The following SPACA6 variants were observed in gnomAD, a reference collection of about 807,000 sequenced individuals.
The protein encoded by SPACA6 is sperm acrosome membrane-associated protein 6.
For synonymous variants in SPACA6, 6 were observed against 1.5 expected (o/e 4.05, Z -2.21); for missense variants, 8 against 2.8 (o/e 2.88, Z -1.34).
At chr19:51,705,434 G>A (rs1379227237), downstream of SPACA6, 2 of 258,898 alleles carry the variant, frequency 7.7e-6, no homozygotes, top group Non-Finnish European at 1.5e-5. Flanking sequence ...TCCTCCCCAA[G>A]GCTTTCCTCC....
downstream of SPACA6, among the ~76,000 whole-genome samples, chr19:51,707,614 G>A (rs1254773255): frequency 1.3e-5 from 2 of 152,016 alleles, no homozygotes; most frequent in Non-Finnish European, 1.5e-5. Context: ...CAACTCTCCC[G>A]GACACCAGTT....
At chr19:51,702,390 C>T (rs2083475502) in intron 3 of SPACA6, 1 of 370,848 alleles carries the variant, frequency 2.7e-6, no homozygotes, top group South Asian at 1.5e-4. Flanking sequence ...GTGTTTCCCT[C>T]TAAACCCCAA....
upstream of SPACA6, among the ~76,000 whole-genome samples, chr19:51,691,092 C>T (rs1297281938): frequency 5.0e-5 from 2 of 40,294 alleles, no homozygotes; most frequent in African/African-American, 2.9e-4. Context: ...TCTCCTCCCC[C>T]TCCTCAGGTC....
At chr19:51,704,218 G>T in intron 7 of SPACA6, 32 bp downstream of exon 7, 1 of 400,986 alleles carries the variant, frequency 2.5e-6, no homozygotes, top group Non-Finnish European at 4.4e-6. Flanking sequence ...TGAGTGAGCG[G>T]GGTCGGGAGA....
downstream of SPACA6, among the ~76,000 whole-genome samples, chr19:51,709,472 G>A (rs1339914220): frequency 7.0e-6 from 1 of 142,836 alleles, no homozygotes; most frequent in Non-Finnish European, 1.5e-5. Flanking sequence ...AGCTGAGATT[G>A]CGCCATTGCA....
At chr19:51,694,955 A>C (rs963896433) in intron 2 of SPACA6, among the ~76,000 whole-genome samples, 1 of 151,944 alleles carries the variant, frequency 6.6e-6, no homozygotes, top group African/African-American at 2.4e-5. Context: ...ATGGCCATGG[A>C]GCTCAGTGCA....
rs1447619730 is a variant in SPACA6, at chr19:51,704,112, C to G, written c.656C>G (p.Thr219Arg). Residue 219 changes from threonine to arginine, a missense_variant, in exon 7 of 9, where the codon ACG becomes AGG. Coordinates refer to ENST00000637797, the MANE Select transcript of SPACA6 (RefSeq NM_001316972.2). ...GCGCGGATCCGGCCGGCTCAGCTCA[C>G]GCACCGCGGGACGTTCTCCTGCGTG... ...YLARIRPAQL[T>R]HRGTFSCVIK... is the part of the protein sequence containing the mutation. 1 of 401,078 alleles carries G rather than the reference C, an allele frequency of 2.5e-6. No individual in the cohort carries two copies. Among genetic ancestry groups the G allele is most frequent in the Non-Finnish European group, 4.4e-6 (1 of 226,224 alleles). The allele number at this position is 401,078 out of a possible 1,614,324, so 24.8% of individuals were successfully genotyped here.
At chr19:51,696,959 C>G (rs1330669313) in intron 2 of SPACA6, among the ~76,000 whole-genome samples, 1 of 152,160 alleles carries the variant, frequency 6.6e-6, no homozygotes, top group East Asian at 1.9e-4. Flanking sequence ...GGGGCCACCT[C>G]CTGTAGATCC....
chr19:51,692,713 G>A (rs764363120), upstream of SPACA6: 3 of 533,620 alleles, frequency 5.6e-6, no homozygotes, highest in South Asian at 4.2e-5. This position sits in a 1 kb window ranked among gnomAD's most constrained non-coding sequence, Gnocchi z 5.6. Flanking sequence ...GGGCCTCCCC[G>A]GCCCTCCCCC....
At chr19:51,687,136 C>G (rs1009480514), upstream of SPACA6, 6 of 152,100 alleles carry the variant, frequency 3.9e-5, no homozygotes, top group African/African-American at 1.4e-4. Context: ...GTGGCGCAGG[C>G]CTGTAGTTCC....
downstream of SPACA6, among the ~76,000 whole-genome samples, chr19:51,708,064 C>A (rs2122234454): frequency 6.6e-6 from 1 of 152,308 alleles, no homozygotes; most frequent in Admixed American, 6.5e-5. Context: ...AGTCTCCACC[C>A]CTTTTTCCCT....
chr19:51,692,902 CA>C (rs2083388048), upstream of SPACA6: 1 of 531,454 alleles, frequency 1.9e-6, no homozygotes, highest in African/African-American at 1.9e-5. The surrounding 1 kb of genome is among the most constrained non-coding windows in gnomAD (Gnocchi z 5.6). Flanking sequence ...CGGGGACCCC[CA>C]GCCCCACTCA....
chr19:51,693,633 A>G lies in SPACA6; in HGVS notation c.107A>G (p.Glu36Gly). ...ACLLCFTTYS[E>G]RLRICQMFVG... ...CTCCTCTGCTTCACAACCTACTCTGAGCGCCTCCGCATCTGCCAGATGTTT... is the reference window on the plus strand; with the variant it reads ...CTCCTCTGCTTCACAACCTACTCTGGGCGCCTCCGCATCTGCCAGATGTTT... Residue 36 changes from glutamate (E) to glycine (G), a missense_variant, in exon 1 of 9, where the codon GAG (glutamate) becomes GGG (glycine). By Grantham distance (98) the Glu-to-Gly change is moderately conservative. Transcript: ENST00000637797. The G allele has an allele frequency of 2.4e-6, 1 of 417,766 alleles. No individual in the cohort carries two copies. The highest frequency in any genetic ancestry group is 3.4e-5 in the East Asian group (1 of 29,240). The allele number at this position is 417,766 out of a possible 1,614,324, so 25.9% of individuals were successfully genotyped here.
At position 51,700,938 on chromosome 19, in the gene SPACA6, G is replaced by GA. The variant is rs573923787; in HGVS notation, c.293-719dup. Among the ~76,000 whole-genome samples, 31 of 152,176 alleles carry GA rather than the reference G, an allele frequency of 2.0e-4. No homozygotes were observed. The East Asian group carries it at 5.6e-3, about 28-fold the overall frequency. On this transcript the variant is annotated intron_variant, in intron 2 of 8. Transcript: ENST00000637797. ...TGGTGGTTTTCATATTAAAGGAAAT[G>GA]AGGCCAGGCACGGTGGCTCATGCCT...
At chr19:51,684,435 A>G (rs534455571), upstream of SPACA6, among the ~76,000 whole-genome samples, 1 of 152,266 alleles carries the variant, frequency 6.6e-6, no homozygotes, top group East Asian at 1.9e-4. Flanking sequence ...CCATTTTCCC[A>G]TGCCCTTTGT....
upstream of SPACA6, among the ~76,000 whole-genome samples, chr19:51,689,831 G>A (rs1193552558): frequency 6.6e-6 from 1 of 151,994 alleles, no homozygotes; most frequent in African/African-American, 2.4e-5. Context: ...GATGGGGGCT[G>A]GGGCTGGTAG....
intron 3 of SPACA6, among the ~76,000 whole-genome samples, chr19:51,702,025 C>G (rs1055270600): frequency 1.6e-4 from 25 of 152,204 alleles, no homozygotes; most frequent in Non-Finnish European, 3.2e-4. Flanking sequence ...GACCCGAGAT[C>G]GGCACTCCAG....
rs910054931 is a variant in SPACA6 at position 51,704,362 on chromosome 19, C to A, written c.823C>A (p.Pro275Thr). Residue 275 changes from proline (P) to threonine (T), a missense_variant, in exon 8 of 9, where the codon CCC (proline) becomes ACC (threonine). Coordinates refer to ENST00000637797, the MANE Select transcript of SPACA6 (RefSeq NM_001316972.2). ...GCCGCGGGATGCCGAGCTGATCGAGCCCTGGAGGCCCAGCCTGGGCGAGCT... is the reference window on the plus strand; with the variant it reads ...GCCGCGGGATGCCGAGCTGATCGAGACCTGGAGGCCCAGCCTGGGCGAGCT... Reference protein sequence around the residue: ...WAPRDAELIEPWRPSLGELLA... With the variant: ...WAPRDAELIETWRPSLGELLA... 5.0e-6 allele frequency: 2 copies of A among 401,074 alleles called. No homozygotes were observed. 24.8% of individuals were successfully genotyped at this position (401,074 alleles called of 1,614,324 possible).
chr19:51,699,231 A>T (rs2083451278), intron 2 of SPACA6, among the ~76,000 whole-genome samples: 1 of 151,826 alleles, frequency 6.6e-6, no homozygotes, highest in African/African-American at 2.4e-5. Flanking sequence ...CTTGTCTCGA[A>T]CTCCTGGCCT....
Sources: gnomAD v4.1 joint callset for allele counts (sites outside exome capture counted in the v4.1 genomes callset) on GRCh38, gnomAD v4.1.1 for gene constraint, Gnocchi (gnomAD v3.1) non-coding constraint, MANE v1.5 for transcripts, NCBI Gene and HGNC (gene_info 2026-07-23, HGNC 2026-07-21) for gene names.